The following IL10RB variants were observed in gnomAD, a reference collection of about 807,000 sequenced individuals.
IL10RB encodes the protein interleukin-10 receptor subunit beta.
A neutral mutation model predicts 38.7 loss-of-function variants in IL10RB; 30 were observed. That is an observed-to-expected ratio of 0.78 (90% CI 0.58 to 1.05). The LOEUF (loss-of-function observed/expected upper bound fraction) is 1.05, where lower values mean the gene tolerates loss of function less well. Among genes scored for constraint, IL10RB ranks in the 50% least tolerant of loss-of-function variants. The pLI is 0.00. For synonymous variants in IL10RB, 142 were observed against 145.9 expected (o/e 0.97, Z 0.19); for missense variants, 328 against 397.1 (o/e 0.83, Z 1.48).
chr21:33,285,314 C>T (rs1055263702), intron 5 of IL10RB, among the ~76,000 whole-genome samples: 3 of 152,122 alleles, frequency 2.0e-5, no homozygotes, highest in South Asian at 4.1e-4. Flanking sequence ...TCATCTAAGC[C>T]CAGGTTATGT....
chr21:33,276,407 C>A lies in IL10RB; in HGVS notation c.174-189C>A, dbSNP rs8178472. On this transcript the variant is annotated intron_variant, in intron 2 of 6. Coordinates refer to ENST00000290200, the MANE Select transcript of IL10RB (RefSeq NM_000628.5). Reference sequence around the variant, plus strand: ...TTGGTCAAGTATGCTGAATACTCAACCCCTTGGAGAGGCACGTAGTCATTA... The same window carrying A: ...TTGGTCAAGTATGCTGAATACTCAAACCCTTGGAGAGGCACGTAGTCATTA... 5.8e-3 allele frequency among the ~76,000 whole-genome samples: 890 copies of A among 152,240 alleles called. 13 individuals are homozygous for A. Among genetic ancestry groups the A allele is most frequent in the African/African-American group, 0.021 (852 of 41,544 alleles).
At chr21:33,273,752 A>C (rs1043407937) in intron 2 of IL10RB, among the ~76,000 whole-genome samples, 1 of 152,224 alleles carries the variant, frequency 6.6e-6, no homozygotes, top group African/African-American at 2.4e-5. Context: ...CTTTGTTGTC[A>C]TTTCAACAAT....
chr21:33,280,056 C>A lies in IL10RB; in HGVS notation c.498+138C>A, dbSNP rs558368896. ...ACTGAGGGGTTACTGGTATCTCTGGCTCAAGCTTCCCAGACTCCTAAGGGA... is the reference window on the plus strand; with the variant it reads ...ACTGAGGGGTTACTGGTATCTCTGGATCAAGCTTCCCAGACTCCTAAGGGA... On this transcript the variant is annotated intron_variant, in intron 4 of 6. Coordinates refer to ENST00000290200, the MANE Select transcript of IL10RB (RefSeq NM_000628.5). 86 of 785,636 alleles carry A rather than the reference C, an allele frequency of 1.1e-4. 1 individual carries two copies. The highest frequency in any genetic ancestry group is 1.1e-3 in the East Asian group (42 of 39,356). The allele number at this position is 785,636 out of a possible 1,614,324, so 48.7% of individuals were successfully genotyped here.
chr21:33,294,435 C>T (rs1322293860), intron 6 of IL10RB, among the ~76,000 whole-genome samples: 2 of 151,740 alleles, frequency 1.3e-5, no homozygotes, highest in Non-Finnish European at 2.9e-5. Context: ...GCTGATACTG[C>T]TTCCTTGAGA....
chr21:33,282,106 A>G (rs1289052179), intron 4 of IL10RB, among the ~76,000 whole-genome samples: 1 of 140,614 alleles, frequency 7.1e-6, no homozygotes, highest in Admixed American at 7.1e-5. Context: ...CTTTTAATTT[A>G]CTTATTAGAA....
At position 33,284,016 on chromosome 21, in the gene IL10RB, C is replaced by T. The variant is rs184262752; in HGVS notation, c.646+775C>T. ...TTGATCAAAAAGAAAAACATGTCTG[C>T]CGGACGTGGTGGCTCACGCCTGTAA... On this transcript the variant is annotated intron_variant, in intron 5 of 6. Coordinates refer to ENST00000290200, the MANE Select transcript of IL10RB (RefSeq NM_000628.5). 5.3e-5 allele frequency among the ~76,000 whole-genome samples: 8 copies of T among 152,310 alleles called. No individual in the cohort carries two copies. In the East Asian group the frequency reaches 1.2e-3, roughly 22 times the overall value.
chr21:33,269,260 C>T (rs1989032296), intron 2 of IL10RB, among the ~76,000 whole-genome samples: 1 of 152,222 alleles, frequency 6.6e-6, no homozygotes, highest in Admixed American at 6.5e-5. Context: ...GAAGTCAGTG[C>T]CAGCACTCCC....
At chr21:33,302,414 C>T (rs1432761212) in intron 1 of IL10RB, among the ~76,000 whole-genome samples, 2 of 152,258 alleles carry the variant, frequency 1.3e-5, no homozygotes, top group Admixed American at 6.5e-5. Flanking sequence ...TAACTTCAGG[C>T]AACTCTGAAT....
intron 5 of IL10RB, among the ~76,000 whole-genome samples, chr21:33,285,482 C>G (rs966472170): frequency 6.6e-6 from 1 of 152,176 alleles, no homozygotes; most frequent in African/African-American, 2.4e-5. Context: ...TTAGTAGATT[C>G]TCCCACAGTT....
chr21:33,273,557 T>C (rs1456048278), intron 2 of IL10RB, among the ~76,000 whole-genome samples: 1 of 152,236 alleles, frequency 6.6e-6, no homozygotes, highest in Non-Finnish European at 1.5e-5. Context: ...TTGCAGTGAC[T>C]GTGACAATTT....
At chr21:33,300,090 T>C (rs944027267), downstream of IL10RB, among the ~76,000 whole-genome samples, 4 of 152,180 alleles carry the variant, frequency 2.6e-5, no homozygotes, top group African/African-American at 9.7e-5. Context: ...TCTTTGTGCC[T>C]AATAAGATAA....
At chr21:33,276,212 G>A (rs962860) in intron 2 of IL10RB, among the ~76,000 whole-genome samples, 54,934 of 151,760 alleles carry the variant, frequency 0.36, 10,636 homozygotes, top group Non-Finnish European at 0.45. Context: ...TTATCTTAGG[G>A]CATCAACGTT....
chr21:33,291,039 G>A (rs949756842), intron 6 of IL10RB, among the ~76,000 whole-genome samples: 16 of 152,264 alleles, frequency 1.1e-4, no homozygotes, highest in African/African-American at 2.2e-4. Context: ...GATCTTTGGC[G>A]TTCCTTGGCT....
At chr21:33,269,810 C>G (rs1989043229) in intron 2 of IL10RB, among the ~76,000 whole-genome samples, 2 of 152,258 alleles carry the variant, frequency 1.3e-5, no homozygotes, top group Middle Eastern at 3.4e-3. Context: ...AGGCTCCCAC[C>G]ACCATGCCCA....
intron 3 of IL10RB, 51 bp from the exon 4 acceptor site, chr21:33,279,701 A>C: frequency 6.6e-7 from 1 of 1,520,194 alleles, no homozygotes; most frequent in Non-Finnish European, 9.1e-7. Context: ...TTAATGTTGA[A>C]GTTTTTAAAA....
intron 1 of IL10RB, among the ~76,000 whole-genome samples, chr21:33,307,425 G>C (rs2083001440): frequency 6.6e-6 from 1 of 152,058 alleles, no homozygotes; most frequent in South Asian, 2.1e-4. Context: ...ATAATCTCTG[G>C]ATCTGAGGGT....
chr21:33,294,078 C>T (rs1989542108), intron 6 of IL10RB: 2 of 470,894 alleles, frequency 4.2e-6, no homozygotes, highest in African/African-American at 4.0e-5. Flanking sequence ...CATAAGCTCT[C>T]ACCTCCGAGG....
chr21:33,288,237 T>G lies in IL10RB; in HGVS notation c.780T>G (p.Asn260Lys), dbSNP rs1463611863. ...CAAAGTACGCCTTCTCCCCTAGGAA[T>G]TCTCTTCCACAGCACCTGAAAGAGG... ...KKTKYAFSPR[N>K]SLPQHLKEFL... The change falls in exon 6 of 7, where the codon AAT becomes AAG. Residue 260 changes from asparagine (N) to lysine (K), a missense_variant. Coordinates refer to ENST00000290200, the MANE Select transcript of IL10RB (RefSeq NM_000628.5). 1.2e-6 allele frequency: 2 copies of G among 1,614,026 alleles called. No individual in the cohort carries two copies. The highest frequency in any genetic ancestry group is 1.7e-6 in the Non-Finnish European group (2 of 1,180,014).
At position 33,305,685 on chromosome 21, in the gene IL10RB, G is replaced by A. The variant is rs529911205; in HGVS notation, c.130-3291G>A. ...AGCCATTACCCTGGAGAGCACAGGG[G>A]TCAGCCACACAGCCCACTAATGGAG... On this transcript the variant is annotated intron_variant, in intron 1 of 1. Transcript: ENST00000609556. Among the ~76,000 whole-genome samples, 4 of 152,274 alleles carry A rather than the reference G, an allele frequency of 2.6e-5. No individual in the cohort carries two copies. In the East Asian group the frequency reaches 7.7e-4, roughly 29 times the overall value.
Sources: allele counts gnomAD v4.1 joint callset (sites outside exome capture counted in the v4.1 genomes callset), GRCh38; gene constraint gnomAD v4.1.1; transcripts MANE v1.5; gene names NCBI Gene and HGNC (gene_info 2026-07-23, HGNC 2026-07-21).